The following TMPRSS13 variants were observed in gnomAD, a reference collection of about 807,000 sequenced individuals.
TMPRSS13 encodes transmembrane serine protease 13.
Under a neutral mutation model 68.4 loss-of-function variants are expected in TMPRSS13, and 50 were observed. The ratio of observed to expected loss-of-function variants is 0.73; its 90% CI spans 0.58 to 0.93. The LOEUF (loss-of-function observed/expected upper bound fraction) is 0.93, where lower values mean the gene tolerates loss of function less well. Ranked by LOEUF, TMPRSS13 falls within the 40% of genes least tolerant of loss-of-function variation. The pLI is 0.00. For synonymous variants in TMPRSS13, 267 were observed against 285.8 expected, an observed-to-expected ratio of 0.93 and a Z score of 0.66; for missense variants, 615 against 729.2, an observed-to-expected ratio of 0.84 and a Z score of 1.80.
chr11:117,923,803 G>T lies in TMPRSS13; in HGVS notation c.22-4965C>A, dbSNP rs1330771694. Among the ~76,000 whole-genome samples the T allele has an allele frequency of 3.0e-5, 4 of 135,392 alleles. No individual in the cohort carries two copies. In the East Asian group the frequency reaches 9.1e-4, roughly 31 times the overall value. 88.8% of individuals were successfully genotyped at this position (135,392 alleles called of 152,430 possible). ...TACATATGTAACAAACCTGCACGTT[G>T]TGCACATGTACCCTAGAACTTAAAG... On this transcript the variant is annotated intron_variant, in intron 1 of 12. Transcript: ENST00000524993.
Position 117,909,853 on chromosome 11 carries a change from C to G in TMPRSS13, c.1062G>C (p.Thr354=), listed in dbSNP as rs137959737. The G allele has an allele frequency of 3.7e-6, 6 of 1,613,672 alleles. No individual in the cohort carries two copies. The African/African-American group carries it at 6.7e-5, about 18-fold the overall frequency. The change falls in exon 8 of 13, where the codon ACG becomes ACC. Residue 354 remains threonine, a synonymous_variant. Coordinates refer to ENST00000524993, the MANE Select transcript of TMPRSS13 (RefSeq NM_001077263.3). ...HFGTTHICGG[T]LIDAQWVLTA... ...TGAGCACCCACTGGGCGTCAATGAGCGTGCCTCCACAGATGTGGGTGGTGC... is the reference window on the plus strand; with the variant it reads ...TGAGCACCCACTGGGCGTCAATGAGGGTGCCTCCACAGATGTGGGTGGTGC...
At chr11:117,905,214 G>T (rs910600918) in intron 10 of TMPRSS13, among the ~76,000 whole-genome samples, 2 of 151,650 alleles carry the variant, frequency 1.3e-5, no homozygotes, top group Non-Finnish European at 2.9e-5. Flanking sequence ...GATTATTAAG[G>T]TTCCCAATCA....
intron 1 of TMPRSS13, among the ~76,000 whole-genome samples, chr11:117,925,867 C>A (rs1005607516): frequency 6.6e-6 from 1 of 152,270 alleles, no homozygotes. Flanking sequence ...CACACACTCC[C>A]GCACGCTTAC....
intron 12 of TMPRSS13, chr11:117,903,417 G>C: frequency 6.5e-7 from 1 of 1,536,086 alleles, no homozygotes; most frequent in Non-Finnish European, 8.7e-7. Flanking sequence ...TGCCTGCCTG[G>C]CCTGTAGGTC....
In TMPRSS13 at chr11:117,909,879, C is replaced by G; in HGVS notation, c.1036G>C (p.Gly346Arg). 1 of 1,614,104 alleles carries G rather than the reference C, an allele frequency of 6.2e-7. No individual in the cohort carries two copies. The highest frequency in any genetic ancestry group is 8.5e-7 in the Non-Finnish European group (1 of 1,180,038). ...KWPWQVSLHF[G>R]TTHICGGTLI... ...GTGCCTCCACAGATGTGGGTGGTGC[C>G]GAAGTGCAGACTCACTTGCCAAGGC... The change falls in exon 8 of 13, where the codon GGC (glycine) becomes CGC (arginine). Residue 346 changes from glycine (G) to arginine (R), a missense_variant. Transcript: ENST00000524993.
At chr11:117,910,889 C>T in intron 6 of TMPRSS13, 139 bp from the exon 7 acceptor site, 1 of 759,040 alleles carries the variant, frequency 1.3e-6, no homozygotes, top group Non-Finnish European at 2.1e-6. Flanking sequence ...AGATTCTGAG[C>T]TTCCCCTTTC....
At chr11:117,924,809 T>G (rs1348330728) in intron 1 of TMPRSS13, among the ~76,000 whole-genome samples, 2 of 151,778 alleles carry the variant, frequency 1.3e-5, no homozygotes, top group Non-Finnish European at 2.9e-5. Context: ...AAATACAGGC[T>G]CTCCTCAGCA....
At chr11:117,920,769 G>A (rs371493668) in intron 1 of TMPRSS13, among the ~76,000 whole-genome samples, 65 of 152,250 alleles carry the variant, frequency 4.3e-4, no homozygotes, top group South Asian at 2.3e-3. Context: ...GGTTACAGGC[G>A]TGAGCCACCA....
rs2057482915 is a variant in TMPRSS13, at chr11:117,908,214, A to C, written c.1282+398T>G. 3 of 529,106 alleles carry C rather than the reference A, an allele frequency of 5.7e-6. No individual in the cohort carries two copies. In the East Asian group the frequency reaches 9.9e-5, roughly 17 times the overall value. 32.8% of individuals were successfully genotyped at this position (529,106 alleles called of 1,614,324 possible). A position where few individuals can be genotyped will look rare whatever the true frequency, so the allele number is the denominator to read the frequency against. On this transcript the variant is annotated intron_variant, in intron 9 of 12. Transcript: ENST00000524993. ...GCTCCATTTCCTCATATGTCAAATG[A>C]AGTTAATAATAGTGCCTGCTCCACA...
In TMPRSS13 at chr11:117,906,341, G is replaced by A. The variant is rs2134879170; in HGVS notation, c.1283-605C>T. Among the ~76,000 whole-genome samples, 3 of 152,362 alleles carry A rather than the reference G, an allele frequency of 2.0e-5. No individual in the cohort carries two copies. In the South Asian group the frequency reaches 6.2e-4, roughly 32 times the overall value. ...CCCACATTCAGAAATATTATATTTA[G>A]AAGTCACTGTTATATATCACTTCAT... On this transcript the variant is annotated intron_variant, in intron 9 of 12. Transcript: ENST00000524993.
chr11:117,904,181 A>C, intron 10 of TMPRSS13, 80 bp from the exon 11 acceptor site: 1 of 1,519,000 alleles, frequency 6.6e-7, no homozygotes. Flanking sequence ...TCCAGCTGCC[A>C]CCCCAAGACC....
At chr11:117,911,658 G>T in intron 6 of TMPRSS13, 110 bp downstream of exon 6, 1 of 792,302 alleles carries the variant, frequency 1.3e-6, no homozygotes, top group Non-Finnish European at 2.1e-6. Context: ...GTGGACTCCT[G>T]GAGGCTGGAT....
rs2057487881 is a variant in TMPRSS13, at chr11:117,908,617, A to C, written c.1277T>G (p.Leu426Arg). 1 of 1,562,014 alleles carries C rather than the reference A, an allele frequency of 6.4e-7. No homozygotes were observed. Among genetic ancestry groups the C allele is most frequent in the East Asian group, 2.4e-5 (1 of 42,360 alleles). ...GGGAGTGCAGATTCCCTCACCGGAC[A>C]GGGTCAGGGGCTTGGACAGCCGCAT... ...ALMRLSKPLT[L>R]SAHIHPACLP... The change falls in exon 9 of 13, where the codon CTG (leucine) becomes CGG (arginine). Residue 426 changes from leucine to arginine, a missense_variant. Physicochemically the swap from Leu to Arg is moderately radical, Grantham distance 102. Transcript: ENST00000524993.
At chr11:117,918,317 C>A (rs2057599488) in intron 2 of TMPRSS13, 92 bp downstream of exon 2, 1 of 1,445,112 alleles carries the variant, frequency 6.9e-7, no homozygotes, top group African/African-American at 1.4e-5. Context: ...TCGTTGTCTG[C>A]TATGAGAGCA....
intron 1 of TMPRSS13, among the ~76,000 whole-genome samples, chr11:117,927,680 T>C (rs1057176862): frequency 2.0e-5 from 3 of 152,112 alleles, no homozygotes; most frequent in African/African-American, 7.2e-5. Context: ...CCCAGACCAC[T>C]CCTATTTAAT....
At position 117,901,130 on chromosome 11, in the gene TMPRSS13, G is replaced by A. The variant is rs1267548651; in HGVS notation, c.*1109C>T. The A allele has an allele frequency of 1.3e-5, 2 of 152,308 alleles. No individual in the cohort carries two copies. The highest frequency in any genetic ancestry group is 1.3e-4 in the Admixed American group (2 of 15,280). The allele number at this position is 152,308 out of a possible 1,614,324, so 9.4% of individuals were successfully genotyped here. ...TTCTGAAACAACTGAGAAACTGAAA[G>A]GTGGAGAAAGCTGAGAAGAAATCCC... On this transcript the variant is annotated 3_prime_UTR_variant, in exon 13 of 13. Transcript: ENST00000524993.
chr11:117,910,460 A>G (rs1446059349), intron 7 of TMPRSS13: 7 of 502,108 alleles, frequency 1.4e-5, no homozygotes, highest in Non-Finnish European at 2.5e-5. Flanking sequence ...TGCACAGAAG[A>G]CTCAGACAGC....
At chr11:117,904,228 C>T in intron 10 of TMPRSS13, 127 bp from the exon 11 acceptor site, 4 of 1,325,300 alleles carry the variant, frequency 3.0e-6, no homozygotes, top group Admixed American at 2.5e-5. Context: ...GGGTGCCATG[C>T]CCGTGCCTGG....
intron 5 of TMPRSS13, among the ~76,000 whole-genome samples, chr11:117,913,109 C>T (rs2057539655): frequency 6.6e-6 from 1 of 152,176 alleles, no homozygotes; most frequent in African/African-American, 2.4e-5. Flanking sequence ...CCTCTCCCCA[C>T]AACCTCACAC....
Sources: gnomAD v4.1 joint callset for allele counts (sites outside exome capture counted in the v4.1 genomes callset) on GRCh38, gnomAD v4.1.1 for gene constraint, MANE v1.5 for transcripts, NCBI Gene and HGNC (gene_info 2026-07-23, HGNC 2026-07-21) for gene names.